The following PTPN22 variants were observed in gnomAD, a reference collection of about 807,000 sequenced individuals.
PTPN22 encodes the protein tyrosine-protein phosphatase non-receptor type 22.
In PTPN22, 85 loss-of-function variants were observed where a neutral mutation model predicts 103.3. That is an observed-to-expected ratio of 0.82 (90% CI 0.69 to 0.99). The LOEUF is 0.99. Ranked by LOEUF, PTPN22 falls within the 50% of genes least tolerant of loss-of-function variation. The probability of loss-of-function intolerance (pLI) is 0.00; values close to 1 mark genes in which losing one functional copy is unlikely to be tolerated. For synonymous variants in PTPN22, 323 were observed against 310.2 expected (o/e 1.04, Z -0.43); for missense variants, 865 against 936.9 (o/e 0.92, Z 1.00).
intron 4 of PTPN22, among the ~76,000 whole-genome samples, 187 bp downstream of exon 4, chr1:113,858,291 C>A (rs1334183111): frequency 6.6e-6 from 1 of 152,094 alleles, no homozygotes; most frequent in Admixed American, 6.5e-5. Context: ...CCCCTAGGCT[C>A]AAGCTATCCA....
intron 9 of PTPN22, among the ~76,000 whole-genome samples, chr1:113,852,488 A>G (rs1571430279): frequency 6.6e-6 from 1 of 152,222 alleles, no homozygotes; most frequent in Non-Finnish European, 1.5e-5. Flanking sequence ...AAAATGATTT[A>G]TAGATTGGAA....
rs539161236 is a variant in PTPN22, at chr1:113,832,924, T to C, written c.2053+187A>G. On this transcript the variant is annotated intron_variant, in intron 16 of 20. Coordinates refer to ENST00000359785, the Ensembl canonical transcript of PTPN22. ...GAGGTTATATATTAAGGAGCAGAAT[T>C]CTAAAATCCTGTCTTCACCTTGCTC... The C allele has an allele frequency of 9.2e-4, 508 of 551,628 alleles. 1 individual carries two copies. Among genetic ancestry groups the C allele is most frequent in the Non-Finnish European group, 1.3e-3 (405 of 312,876 alleles). 34.2% of individuals were successfully genotyped at this position (551,628 alleles called of 1,614,324 possible). A position where few individuals can be genotyped will look rare whatever the true frequency, so the allele number is the denominator to read the frequency against.
At chr1:113,829,424 A>AT (rs1351113003) in intron 18 of PTPN22, among the ~76,000 whole-genome samples, 168 bp downstream of exon 18, 1 of 151,592 alleles carries the variant, frequency 6.6e-6, no homozygotes, top group Non-Finnish European at 1.5e-5. Context: ...TTTAAGTTGT[A>AT]TTTTTTCTTC....
chr1:113,816,875 C>G (rs1240748921), intron 20 of PTPN22, among the ~76,000 whole-genome samples: 1 of 152,094 alleles, frequency 6.6e-6, no homozygotes, highest in African/African-American at 2.4e-5. Flanking sequence ...TGCCACTGCA[C>G]TCCAGCCTGG....
chr1:113,851,844 G>A (rs995981212), intron 10 of PTPN22, among the ~76,000 whole-genome samples, 183 bp downstream of exon 10: 1 of 152,198 alleles, frequency 6.6e-6, no homozygotes, highest in Non-Finnish European at 1.5e-5. Context: ...ATTTGACCCA[G>A]GACAAGGGAT....
In PTPN22 at chr1:113,824,226, C is replaced by T. The variant is rs190689508; in HGVS notation, c.2281+916G>A. ...AAGCAATCCTCCTGCCCCAGCCTTCCGAGTAGCTGGGACTACAGGTGCATG... is the reference window on the plus strand; with the variant it reads ...AAGCAATCCTCCTGCCCCAGCCTTCTGAGTAGCTGGGACTACAGGTGCATG... On this transcript the variant is annotated intron_variant, in intron 19 of 20. Coordinates refer to ENST00000359785, the Ensembl canonical transcript of PTPN22. Among the ~76,000 whole-genome samples the T allele has an allele frequency of 1.9e-4, 29 of 152,178 alleles. No homozygotes were observed. In the Middle Eastern group the frequency reaches 0.01, roughly 54 times the overall value.
At chr1:113,867,027 G>A (rs1571485387) in intron 1 of PTPN22, among the ~76,000 whole-genome samples, 1 of 152,242 alleles carries the variant, frequency 6.6e-6, no homozygotes, top group East Asian at 1.9e-4. Flanking sequence ...GATTACAGGC[G>A]CGAGCCACCT....
At chr1:113,859,374 G>A (rs746978327) in exon 2 of PTPN22, 11 of 1,612,588 alleles carry the variant, frequency 6.8e-6, no homozygotes, top group Non-Finnish European at 9.3e-6. Context: ...CCTTATATCT[G>A]TTTTTCTTGA....
chr1:113,871,630 G>T lies in PTPN22; in HGVS notation c.-7C>A. On this transcript the variant is annotated 5_prime_UTR_variant, in exon 1 of 21. In the 5' UTR this introduces an upstream ATG that the reference lacks. Coordinates refer to ENST00000359785, the Ensembl canonical transcript of PTPN22. ...GAATTTCTCTTTGGTCCATGCTGCA[G>T]AGCAAGAAAAATAGTCTATAAGTAG... 6.2e-7 allele frequency: 1 copy of T among 1,613,486 alleles called. No homozygotes were observed. Among genetic ancestry groups the T allele is most frequent in the South Asian group, 1.1e-5 (1 of 91,076 alleles).
chr1:113,838,710 A>G (rs1220634454), intron 11 of PTPN22, 90 bp from the exon 12 acceptor site: 3 of 1,491,366 alleles, frequency 2.0e-6, no homozygotes, highest in Non-Finnish European at 2.7e-6. Context: ...GTAATTTTTC[A>G]GGAAATAAAA....
chr1:113,824,094 G>T (rs1392158932), intron 19 of PTPN22, among the ~76,000 whole-genome samples: 1 of 145,962 alleles, frequency 6.9e-6, no homozygotes, highest in Admixed American at 6.9e-5. Flanking sequence ...TTTTAAGATT[G>T]TCACCATGGT....
chr1:113,822,481 C>T (rs1230092815), intron 19 of PTPN22, among the ~76,000 whole-genome samples: 2 of 152,206 alleles, frequency 1.3e-5, no homozygotes, highest in East Asian at 3.9e-4. Context: ...TTTCCAGCTT[C>T]GCCTTACTCC....
rs1311940057 is a variant in PTPN22 at position 113,838,311 on chromosome 1, T to C, written c.1089A>G (p.Ala363=). 10 of 1,612,772 alleles carry C rather than the reference T, an allele frequency of 6.2e-6. No homozygotes were observed. The Admixed American group carries it at 1.5e-4, about 24-fold the overall frequency. ...CAGGGTGCAAAACTAGCTCTTCTTT[T>C]GCACTTATTTCAGAAGTCCTAAAGT... Residue 363 remains alanine (A), a synonymous_variant, in exon 13 of 21, where the codon GCA becomes GCG. Coordinates refer to ENST00000359785, the Ensembl canonical transcript of PTPN22.
chr1:113,860,608 T>C (rs1422335531), intron 1 of PTPN22, among the ~76,000 whole-genome samples: 1 of 152,216 alleles, frequency 6.6e-6, no homozygotes, highest in African/African-American at 2.4e-5. Context: ...AAGATGGATA[T>C]GGATACAAGT....
intron 4 of PTPN22, among the ~76,000 whole-genome samples, chr1:113,858,253 T>C (rs1166431395): frequency 6.6e-6 from 1 of 152,046 alleles, no homozygotes; most frequent in Non-Finnish European, 1.5e-5. Flanking sequence ...AGACAGGGTT[T>C]TGCAATGTTG....
rs1180891224 is a variant in PTPN22 at position 113,855,000 on chromosome 1, T to C, written c.590A>G (p.Asp197Gly). 2 of 1,608,744 alleles carry C rather than the reference T, an allele frequency of 1.2e-6. No homozygotes were observed. Among genetic ancestry groups the C allele is most frequent in the East Asian group, 4.5e-5 (2 of 44,842 alleles). Reference sequence around the variant, plus strand: ...AATAGGGTCTATAGATGAAGGTACATCATGGTCTGGCCAATTCTTGTAATG... The same window carrying C: ...AATAGGGTCTATAGATGAAGGTACACCATGGTCTGGCCAATTCTTGTAATG... The change falls in exon 8 of 21, where the codon GAT (aspartate) becomes GGT (glycine). Residue 197 changes from aspartate to glycine, a missense_variant. Asp to Gly is a moderately conservative substitution (Grantham distance 94, BLOSUM62 -1). Transcript: ENST00000359785.
chr1:113,840,010 G>A (rs1258109154), intron 11 of PTPN22, among the ~76,000 whole-genome samples: 2 of 152,052 alleles, frequency 1.3e-5, no homozygotes, highest in East Asian at 3.9e-4. Context: ...TCAGGAGTTT[G>A]AAACCAGCCT....
At chr1:113,864,911 CA>C (rs1386880512) in intron 1 of PTPN22, among the ~76,000 whole-genome samples, 286 of 101,726 alleles carry the variant, frequency 2.8e-3, no homozygotes, top group Admixed American at 0.015. Context: ...GACTCCGTCT[CA>C]AAAAAAAAAA....
At chr1:113,838,897 T>C (rs1663265271) in intron 11 of PTPN22, among the ~76,000 whole-genome samples, 1 of 152,140 alleles carries the variant, frequency 6.6e-6, no homozygotes, top group African/African-American at 2.4e-5. Context: ...TGTTCTTTGG[T>C]GGGTAACTTT....
Sources: gnomAD v4.1 joint callset for allele counts (sites outside exome capture counted in the v4.1 genomes callset) on GRCh38, gnomAD v4.1.1 for gene constraint, MANE v1.5 for transcripts, NCBI Gene and HGNC (gene_info 2026-07-23, HGNC 2026-07-21) for gene names.